GALNT9: variants seen among roughly 807,000 people sequenced by gnomAD.
The protein encoded by GALNT9 is polypeptide N-acetylgalactosaminyltransferase 9.
Under a neutral mutation model 63.1 loss-of-function variants are expected in GALNT9, and 47 were observed. The ratio of observed to expected loss-of-function variants is 0.75; its 90% CI spans 0.59 to 0.95. The LOEUF is 0.95. GALNT9 is among the 40% of genes least tolerant of loss of function. The pLI is 0.00. For missense variants in GALNT9, 829 were observed against 874.8 expected (o/e 0.95, Z 0.66); for synonymous variants, 396 against 365.7 (o/e 1.08, Z -0.94).
At chr12:132,240,783 T>C (rs1429877799) in intron 6 of GALNT9, 3 of 451,980 alleles carry the variant, frequency 6.6e-6, no homozygotes, top group Non-Finnish European at 1.3e-5. Context: ...CAGTATGATC[T>C]ATACATGTTT....
chr12:132,225,995 C>G lies in GALNT9; in HGVS notation c.1077+21915G>C, dbSNP rs1424661320. Among the ~76,000 whole-genome samples the G allele has an allele frequency of 9.7e-3, 1,389 of 142,590 alleles. 29 individuals are homozygous for G. The highest frequency in any genetic ancestry group is 0.035 in the African/African-American group (1,323 of 37,886). The allele number at this position is 142,590 out of a possible 152,430, so 93.5% of individuals were successfully genotyped here. A position where few individuals can be genotyped will look rare whatever the true frequency, so the allele number is the denominator to read the frequency against. On this transcript the variant is annotated intron_variant, in intron 6 of 10. Transcript: ENST00000328957. ...ACTGTACACACCCCACACACATACA[C>G]CCCACACACCCCACATTGTACACAC... is the stretch of plus-strand genomic sequence containing the variant.
chr12:132,222,177 G>A (rs954101710), intron 6 of GALNT9, among the ~76,000 whole-genome samples: 5 of 152,162 alleles, frequency 3.3e-5, no homozygotes, highest in South Asian at 2.1e-4. Flanking sequence ...AACTCCAAAC[G>A]GATGAAGGCT....
chr12:132,197,654 C>T, intron 10 of GALNT9, 138 bp downstream of exon 10: 1 of 676,648 alleles, frequency 1.5e-6, no homozygotes, highest in Non-Finnish European at 2.5e-6. Flanking sequence ...ACAGCTGATC[C>T]AAGGCCCGGT....
In GALNT9 at chr12:132,205,384, C is replaced by T. The variant is rs11246994; in HGVS notation, c.1078-1694G>A. ...TTACGGCTGCTCCGACACCGCCCACCGCAGGACAGATCCAGAGTCCGGGGC... is the reference window on the plus strand; with the variant it reads ...TTACGGCTGCTCCGACACCGCCCACTGCAGGACAGATCCAGAGTCCGGGGC... On this transcript the variant is annotated intron_variant, in intron 6 of 10. Transcript: ENST00000328957. 5.0e-3 allele frequency: 766 copies of T among 152,356 alleles called. 18 individuals carry two copies. The East Asian group carries it at 0.067, about 13-fold the overall frequency. The allele number at this position is 152,356 out of a possible 1,614,324, so 9.4% of individuals were successfully genotyped here.
rs1352660280 is a variant in GALNT9 at position 132,203,418 on chromosome 12, A to T, written c.1263+87T>A. On this transcript the variant is annotated intron_variant, in intron 7 of 10. Transcript: ENST00000328957. ...CCCACTCACACCTGCAGGGGGCCCTAGGGGGCCTCCCTCCGGCCCAGCCCT... is the reference window on the plus strand; with the variant it reads ...CCCACTCACACCTGCAGGGGGCCCTTGGGGGCCTCCCTCCGGCCCAGCCCT... 4.6e-6 allele frequency: 6 copies of T among 1,291,482 alleles called. No individual in the cohort carries two copies. In the African/African-American group the frequency reaches 8.9e-5, roughly 19 times the overall value. The allele number at this position is 1,291,482 out of a possible 1,614,324, so 80.0% of individuals were successfully genotyped here. A position where few individuals can be genotyped will look rare whatever the true frequency, so the allele number is the denominator to read the frequency against.
chr12:132,326,705 G>A (rs376859248), intron 1 of GALNT9, among the ~76,000 whole-genome samples: 10 of 152,208 alleles, frequency 6.6e-5, no homozygotes, highest in South Asian at 2.1e-4. Flanking sequence ...TTCTGAACTC[G>A]GATGGATTAG....
Position 132,197,182 on chromosome 12 carries a change from C to T in GALNT9, c.1737G>A (p.Gly579=). The change falls in exon 11 of 11, where the codon GGG becomes GGA. Residue 579 remains glycine (G), a synonymous_variant. Coordinates refer to ENST00000328957, the MANE Select transcript of GALNT9 (RefSeq NM_001122636.2). ...EVEMSKDANF[G]LRLVVQRCSG... ...AGCACCTCTGTACCACCAGCCGGAG[C>T]CCAAAGTTGGCATCTTTGGACATCT... 6.2e-7 allele frequency: 1 copy of T among 1,614,088 alleles called. No homozygotes were observed.
At chr12:132,317,489 A>C (rs28374031) in intron 1 of GALNT9, among the ~76,000 whole-genome samples, 87,956 of 152,170 alleles carry the variant, frequency 0.58, 25,699 homozygotes, top group East Asian at 0.75. Flanking sequence ...CACCTCACCA[A>C]GGAGACCTGC....
intron 7 of GALNT9, 77 bp from the exon 8 acceptor site, chr12:132,201,338 T>G (rs1446733088): frequency 1.0e-6 from 1 of 1,004,778 alleles, no homozygotes; most frequent in Non-Finnish European, 1.5e-6. Context: ...AGGTTGGGGG[T>G]CTCCAGGGAC....
rs1294151343 is a variant in GALNT9 at position 132,257,840 on chromosome 12, C to G, written c.808G>C (p.Val270Leu). 1 of 1,549,528 alleles carries G rather than the reference C, an allele frequency of 6.5e-7. No homozygotes were observed. The highest frequency in any genetic ancestry group is 8.7e-7 in the Non-Finnish European group (1 of 1,146,732). Residue 270 changes from valine to leucine, a missense_variant, in exon 5 of 11, where the codon GTG becomes CTG. Transcript: ENST00000328957. ...TTGATGTTGTCGATGGCTGGCAGCACGATGCGACGCCGGTCCTCTCGGATC... is the reference window on the plus strand; with the variant it reads ...TTGATGTTGTCGATGGCTGGCAGCAGGATGCGACGCCGGTCCTCTCGGATC... ...SRIREDRRRI[V>L]LPAIDNIKYS... is the part of the protein sequence containing the mutation.
intron 1 of GALNT9, among the ~76,000 whole-genome samples, chr12:132,287,435 T>C (rs1239417050): frequency 1.3e-5 from 2 of 152,142 alleles, no homozygotes; most frequent in Non-Finnish European, 2.9e-5. Flanking sequence ...CATCCGCCTG[T>C]GTAACTTGAG....
chr12:132,210,031 C>T (rs1306592121), intron 6 of GALNT9, among the ~76,000 whole-genome samples: 1 of 152,202 alleles, frequency 6.6e-6, no homozygotes, highest in East Asian at 1.9e-4. Context: ...TGGATGGGGA[C>T]CCCTTTCTGG....
At position 132,327,818 on chromosome 12, in the gene GALNT9, A is replaced by AC. The variant is rs1291666070; in HGVS notation, c.238+1147dup. Among the ~76,000 whole-genome samples, 7 of 70,820 alleles carry AC rather than the reference A, an allele frequency of 9.9e-5. No individual in the cohort carries two copies. The highest frequency in any genetic ancestry group is 1.7e-4 in the African/African-American group (3 of 17,842). 46.5% of individuals were successfully genotyped at this position (70,820 alleles called of 152,430 possible). On this transcript the variant is annotated intron_variant, in intron 1 of 10. Coordinates refer to ENST00000328957, the MANE Select transcript of GALNT9 (RefSeq NM_001122636.2). The surrounding 1 kb of genome is among the most constrained non-coding windows in gnomAD (Gnocchi z 4.3). The stretch of plus-strand genomic sequence containing the variant: ...TCATGGGGATTCACCTCCCCCTCCC[A>AC]CCCCACGGCCTGTCTGCAGCCCACC...
chr12:132,246,593 T>C lies in GALNT9; in HGVS notation c.1077+1317A>G, dbSNP rs914958619. ...TGTCACCCAGGCTGGAGTGCAGTGA[T>C]GCGATCTCAGCTCACTGCAATTTCC... On this transcript the variant is annotated intron_variant, in intron 6 of 10. Transcript: ENST00000328957. The surrounding 1 kb of genome is among the most constrained non-coding windows in gnomAD (Gnocchi z 4.7). Among the ~76,000 whole-genome samples the C allele has an allele frequency of 3.9e-5, 6 of 152,200 alleles. No individual in the cohort carries two copies. The highest frequency in any genetic ancestry group is 8.8e-5 in the Non-Finnish European group (6 of 68,034).
At position 132,282,741 on chromosome 12, in the gene GALNT9, C is replaced by T. The variant is rs1178973987; in HGVS notation, c.419+3509G>A. On this transcript the variant is annotated intron_variant, in intron 2 of 10. Transcript: ENST00000328957. This position sits in a 1 kb window ranked among gnomAD's most constrained non-coding sequence, Gnocchi z 4.5. ...TTAAACCACCTGACCAGCCCTGAGCCAACCCCTAGGTCTGGGGTGACCTTC... is the reference window on the plus strand; with the variant it reads ...TTAAACCACCTGACCAGCCCTGAGCTAACCCCTAGGTCTGGGGTGACCTTC... 1.3e-5 allele frequency: 2 copies of T among 152,230 alleles called. No homozygotes were observed. Among genetic ancestry groups the T allele is most frequent in the African/African-American group, 4.8e-5 (2 of 41,436 alleles). 9.4% of individuals were successfully genotyped at this position (152,230 alleles called of 1,614,324 possible).
In GALNT9 at chr12:132,216,008, C is replaced by T. The variant is rs145436975; in HGVS notation, c.1078-12318G>A. ...GCTGGACGTGTGGAGGGAAGGGAGA[C>T]GGTGGCGGGGCACACACAGGGGCTT... On this transcript the variant is annotated intron_variant, in intron 6 of 10. Transcript: ENST00000328957. Among the ~76,000 whole-genome samples the T allele has an allele frequency of 8.7e-3, 1,319 of 152,170 alleles. 19 individuals carry two copies. Among genetic ancestry groups the T allele is most frequent in the African/African-American group, 0.03 (1,251 of 41,496 alleles).
intron 3 of GALNT9, among the ~76,000 whole-genome samples, chr12:132,262,086 G>T (rs1338031686): frequency 1.3e-5 from 2 of 152,224 alleles, no homozygotes; most frequent in African/African-American, 2.4e-5. Flanking sequence ...TCCACCCGGA[G>T]CCTGAGAGGA....
rs929805180 is a variant in GALNT9, at chr12:132,296,771, G to A, written c.239-10341C>T. Among the ~76,000 whole-genome samples the A allele has an allele frequency of 2.2e-4, 34 of 151,964 alleles. No individual in the cohort carries two copies. The highest frequency in any genetic ancestry group is 3.4e-3 in the Middle Eastern group (1 of 294). ...TGGGAAGTCCAAGATGAAGAGGCAC[G>A]GATCTGACTTCGGCCTCTGTGCTGT... On this transcript the variant is annotated intron_variant, in intron 1 of 10. Coordinates refer to ENST00000328957, the MANE Select transcript of GALNT9 (RefSeq NM_001122636.2). The surrounding 1 kb of genome is among the most constrained non-coding windows in gnomAD (Gnocchi z 4.2).
intron 1 of GALNT9, among the ~76,000 whole-genome samples, chr12:132,323,614 T>G (rs186754468): frequency 1.3e-5 from 2 of 152,296 alleles, no homozygotes; most frequent in Admixed American, 1.3e-4. Flanking sequence ...GTCGTTCATC[T>G]CAGCCAGGAA....
Sources: gnomAD v4.1 joint callset for allele counts (sites outside exome capture counted in the v4.1 genomes callset) on GRCh38, gnomAD v4.1.1 for gene constraint, Gnocchi (gnomAD v3.1) non-coding constraint, MANE v1.5 for transcripts, NCBI Gene and HGNC (gene_info 2026-07-23, HGNC 2026-07-21) for gene names.